The following FOXK1 variants were observed in gnomAD, a reference collection of about 807,000 sequenced individuals.
The protein encoded by FOXK1 is forkhead box protein K1.
FOXK1 carries 19 observed loss-of-function variants against 51.9 expected under a neutral mutation model. The observed-to-expected ratio is 0.37, with a 90% confidence interval of 0.26 to 0.54. FOXK1 has a LOEUF of 0.54. Among genes scored for constraint, FOXK1 ranks in the 20% least tolerant of loss-of-function variants. The pLI, the probability that FOXK1 is intolerant of heterozygous loss-of-function variation, is 0.87. For missense variants in FOXK1, 870 were observed against 1,032.7 expected, an observed-to-expected ratio of 0.84 and a Z score of 2.16; for synonymous variants, 537 against 482.6, an observed-to-expected ratio of 1.11 and a Z score of -1.48.
intron 1 of FOXK1, among the ~76,000 whole-genome samples, chr7:4,739,962 G>A (rs1265225426): frequency 1.3e-5 from 2 of 152,124 alleles, no homozygotes; most frequent in Non-Finnish European, 2.9e-5. Context: ...GCACTTGTCT[G>A]GGGATATTTA....
At chr7:4,759,889 G>A (rs1780908940) in intron 7 of FOXK1, 1 of 506,294 alleles carries the variant, frequency 2.0e-6, no homozygotes, top group African/African-American at 2.0e-5. Context: ...AAATTAGCCA[G>A]GCATGATGAT....
At chr7:4,714,276 C>A (rs114563517) in intron 1 of FOXK1, among the ~76,000 whole-genome samples, 1 of 152,018 alleles carries the variant, frequency 6.6e-6, no homozygotes, top group East Asian at 1.9e-4. Flanking sequence ...CCTATTTTCA[C>A]TGTGTGTGTC....
chr7:4,731,758 C>CAAAAAAAA lies in FOXK1; in HGVS notation c.561-9068_561-9061dup, dbSNP rs374959543. Among the ~76,000 whole-genome samples, 1 of 68,672 alleles carries CAAAAAAAA rather than the reference C, an allele frequency of 1.5e-5. No homozygotes were observed. The highest frequency in any genetic ancestry group is 3.4e-5 in the Non-Finnish European group (1 of 29,832). 45.1% of individuals were successfully genotyped at this position (68,672 alleles called of 152,430 possible). ...TGGGCAACAAAGCGAAACTCTGCCT[C>CAAAAAAAA]AAAAAAAAAAAAAAAAAAAGAAAAC... is the stretch of plus-strand genomic sequence containing the variant. On this transcript the variant is annotated intron_variant, in intron 1 of 8. Coordinates refer to ENST00000328914, the MANE Select transcript of FOXK1 (RefSeq NM_001037165.2). This position sits in a 1 kb window ranked among gnomAD's most constrained non-coding sequence, Gnocchi z 5.3.
In FOXK1 at chr7:4,711,366, G is replaced by C. The variant is rs1240581553; in HGVS notation, c.560+28498G>C. Among the ~76,000 whole-genome samples, 2 of 152,164 alleles carry C rather than the reference G, an allele frequency of 1.3e-5. No individual in the cohort carries two copies. Among genetic ancestry groups the C allele is most frequent in the Non-Finnish European group, 2.9e-5 (2 of 68,024 alleles). Reference sequence around the variant, plus strand: ...AGAGTGGAAGGGCTTCCTGTGAGAGGGTGTGGCAGTCCGGGGGTGGGTCCC... The same window carrying C: ...AGAGTGGAAGGGCTTCCTGTGAGAGCGTGTGGCAGTCCGGGGGTGGGTCCC... On this transcript the variant is annotated intron_variant, in intron 1 of 8. Coordinates refer to ENST00000328914, the MANE Select transcript of FOXK1 (RefSeq NM_001037165.2). The surrounding 1 kb of genome is among the most constrained non-coding windows in gnomAD (Gnocchi z 6.3).
chr7:4,759,627 G>A (rs943660281), intron 7 of FOXK1, 32 bp downstream of exon 7: 3 of 1,519,944 alleles, frequency 2.0e-6, no homozygotes, highest in Non-Finnish European at 2.6e-6. Flanking sequence ...GCCTTCGCAG[G>A]ACCCTTTGTG....
intron 1 of FOXK1, among the ~76,000 whole-genome samples, chr7:4,728,182 G>A (rs982422730): frequency 4.6e-5 from 7 of 152,160 alleles, no homozygotes; most frequent in Admixed American, 2.0e-4. Context: ...GATGTGACAC[G>A]ACTCTTTCTT....
intron 2 of FOXK1, among the ~76,000 whole-genome samples, chr7:4,741,616 C>T (rs1233856318): frequency 6.6e-6 from 1 of 152,234 alleles, no homozygotes; most frequent in African/African-American, 2.4e-5. Context: ...CAGGCGTGAG[C>T]CACCGCGCAC....
At chr7:4,716,230 CAA>C (rs773976151) in intron 1 of FOXK1, among the ~76,000 whole-genome samples, 24 of 115,574 alleles carry the variant, frequency 2.1e-4, no homozygotes, top group Admixed American at 1.8e-4. Flanking sequence ...ACCCTATCTA[CAA>C]AAAAAAAAAA....
intron 2 of FOXK1, among the ~76,000 whole-genome samples, chr7:4,750,087 G>T (rs1420448808): frequency 6.6e-6 from 1 of 152,254 alleles, no homozygotes; most frequent in Non-Finnish European, 1.5e-5. Context: ...CTCGCCTGAG[G>T]CGGAAATGTG....
Position 4,761,863 on chromosome 7 carries a change from C to T in FOXK1, c.1922-321C>T, listed in dbSNP as rs1345486641. ...GGCGGGGGTGCAGGGTACCAGGGCA[C>T]CGGGCGCATTGTCAGTGGGGTGGCT... On this transcript the variant is annotated intron_variant, in intron 8 of 8. Coordinates refer to ENST00000328914, the MANE Select transcript of FOXK1 (RefSeq NM_001037165.2). This position sits in a 1 kb window ranked among gnomAD's most constrained non-coding sequence, Gnocchi z 6.2. Among the ~76,000 whole-genome samples the T allele has an allele frequency of 6.6e-6, 1 of 151,946 alleles. No individual in the cohort carries two copies. The highest frequency in any genetic ancestry group is 1.5e-5 in the Non-Finnish European group (1 of 67,978).
rs549528236 is a variant in FOXK1 at position 4,683,365 on chromosome 7, G to C, written c.560+497G>C. 9.2e-5 allele frequency among the ~76,000 whole-genome samples: 14 copies of C among 151,682 alleles called. No homozygotes were observed. Among genetic ancestry groups the C allele is most frequent in the African/African-American group, 3.4e-4 (14 of 41,258 alleles). On this transcript the variant is annotated intron_variant, in intron 1 of 8. Coordinates refer to ENST00000328914, the MANE Select transcript of FOXK1 (RefSeq NM_001037165.2). This position sits in a 1 kb window ranked among gnomAD's most constrained non-coding sequence, Gnocchi z 4.5. ...ACTCCCACTGGCCTGGATCCCTGGG[G>C]TCATCTACGTCCCTACCCTGCCTAA...
intron 1 of FOXK1, among the ~76,000 whole-genome samples, chr7:4,726,198 C>T (rs763128170): frequency 8.5e-5 from 13 of 152,052 alleles, no homozygotes; most frequent in Non-Finnish European, 1.6e-4. Flanking sequence ...AGGAGGCTTC[C>T]GTGTGTTTCA....
rs973282833 is a variant in FOXK1 at position 4,734,857 on chromosome 7, G to A, written c.561-5981G>A. On this transcript the variant is annotated intron_variant, in intron 1 of 8. Coordinates refer to ENST00000328914, the MANE Select transcript of FOXK1 (RefSeq NM_001037165.2). This position sits in a 1 kb window ranked among gnomAD's most constrained non-coding sequence, Gnocchi z 5.2. ...CAGAAAGTAAACCCGTCCTTCCGCT[G>A]GGAGAGACGGGGCGAGGGGACAGCG... Among the ~76,000 whole-genome samples, 1 of 152,210 alleles carries A rather than the reference G, an allele frequency of 6.6e-6. No individual in the cohort carries two copies. Among genetic ancestry groups the A allele is most frequent in the Non-Finnish European group, 1.5e-5 (1 of 68,038 alleles).
At chr7:4,726,599 A>G (rs1780383888) in intron 1 of FOXK1, among the ~76,000 whole-genome samples, 1 of 151,728 alleles carries the variant, frequency 6.6e-6, no homozygotes, top group Non-Finnish European at 1.5e-5. Flanking sequence ...TCCAGCCTGG[A>G]CGACAGAGCG....
Position 4,755,196 on chromosome 7 carries a change from A to G in FOXK1, c.904-41A>G. On this transcript the variant is annotated intron_variant, in intron 3 of 8. Coordinates refer to ENST00000328914, the MANE Select transcript of FOXK1 (RefSeq NM_001037165.2). This position sits in a 1 kb window ranked among gnomAD's most constrained non-coding sequence, Gnocchi z 6.6. ...ACGGGTGGGTGGGGTAGACTCAGGG[A>G]CCTTGCTGGAGCTCATCCCGTGAGC... 1 of 1,605,436 alleles carries G rather than the reference A, an allele frequency of 6.2e-7. No individual in the cohort carries two copies. The highest frequency in any genetic ancestry group is 8.5e-7 in the Non-Finnish European group (1 of 1,174,370).
chr7:4,732,068 G>A (rs1041378347), intron 1 of FOXK1, among the ~76,000 whole-genome samples: 4 of 152,206 alleles, frequency 2.6e-5, no homozygotes, highest in African/African-American at 9.6e-5. Flanking sequence ...CTTGCCGTGA[G>A]CCGCTGCACT....
In FOXK1 at chr7:4,755,544, G is replaced by T. The variant is rs1399838239; in HGVS notation, c.1050+161G>T. Among the ~76,000 whole-genome samples, 3 of 152,186 alleles carry T rather than the reference G, an allele frequency of 2.0e-5. No individual in the cohort carries two copies. The highest frequency in any genetic ancestry group is 7.2e-5 in the African/African-American group (3 of 41,438). On this transcript the variant is annotated intron_variant, in intron 4 of 8. Coordinates refer to ENST00000328914, the MANE Select transcript of FOXK1 (RefSeq NM_001037165.2). The surrounding 1 kb of genome is among the most constrained non-coding windows in gnomAD (Gnocchi z 6.6). ...CGAGGCAGGAGGAGGATCAAGACCA[G>T]CCTGTGCAACATAGAGAGAACCTCT...
At chr7:4,697,902 G>A (rs1035227673) in intron 1 of FOXK1, among the ~76,000 whole-genome samples, 10 of 151,998 alleles carry the variant, frequency 6.6e-5, no homozygotes, top group Middle Eastern at 6.8e-3. Context: ...TCAGCTCACT[G>A]TAACCTCCAC....
intron 1 of FOXK1, among the ~76,000 whole-genome samples, chr7:4,719,120 G>GT (rs376026153): frequency 0.28 from 41,425 of 147,040 alleles, 6,049 homozygotes; most frequent in Non-Finnish European, 0.35. Context: ...TGTTTTTTTT[G>GT]TTTTTTTTTT....
Sources: allele counts gnomAD v4.1 joint callset (sites outside exome capture counted in the v4.1 genomes callset), GRCh38; gene constraint gnomAD v4.1.1; non-coding constraint Gnocchi (gnomAD v3.1); transcripts MANE v1.5; gene names NCBI Gene and HGNC (gene_info 2026-07-23, HGNC 2026-07-21).